The following PTPRE variants were observed in gnomAD, a reference collection of about 807,000 sequenced individuals.
The protein encoded by PTPRE is protein tyrosine phosphatase receptor type E, also known as receptor-type tyrosine-protein phosphatase epsilon.
In PTPRE, 51 loss-of-function variants were observed where a neutral mutation model predicts 102.0. The observed-to-expected ratio is 0.50, with a 90% CI of 0.40 to 0.63. The LOEUF is 0.63. Among genes scored for constraint, PTPRE ranks in the 30% least tolerant of loss-of-function variants. The pLI is 0.00. For synonymous variants in PTPRE, 345 were observed against 348.2 expected (o/e 0.99, Z 0.10); for missense variants, 752 against 915.1 (o/e 0.82, Z 2.30).
intron 3 of PTPRE, among the ~76,000 whole-genome samples, chr10:128,046,619 G>T (rs1340304577): frequency 2.0e-5 from 3 of 152,130 alleles, no homozygotes; most frequent in Non-Finnish European, 4.4e-5. Context: ...TGATGAGGGG[G>T]CTGTGTGGCC....
intron 2 of PTPRE, among the ~76,000 whole-genome samples, chr10:127,992,201 G>A (rs1342334875): frequency 1.3e-5 from 2 of 152,134 alleles, no homozygotes; most frequent in African/African-American, 4.8e-5. Flanking sequence ...AGTTAGTCAT[G>A]GGGAAAACAA....
At chr10:128,030,535 G>A (rs181551554) in intron 2 of PTPRE, among the ~76,000 whole-genome samples, 38 of 152,260 alleles carry the variant, frequency 2.5e-4, no homozygotes, top group African/African-American at 8.9e-4. Context: ...GAGAATCCAC[G>A]TGTCAGTCCC....
chr10:128,013,625 GA>G (rs1419162603), intron 2 of PTPRE, among the ~76,000 whole-genome samples: 4 of 152,150 alleles, frequency 2.6e-5, no homozygotes, highest in Admixed American at 2.6e-4. Context: ...CTTGGGAGGT[GA>G]TTAGGTCATG....
At chr10:127,979,037 A>G (rs1851407120) in intron 1 of PTPRE, among the ~76,000 whole-genome samples, 1 of 152,094 alleles carries the variant, frequency 6.6e-6, no homozygotes, top group Non-Finnish European at 1.5e-5. Flanking sequence ...TAAATAAACA[A>G]ATAAAAATTT....
chr10:128,056,247 G>C, intron 7 of PTPRE, 34 bp downstream of exon 7: 2 of 1,550,336 alleles, frequency 1.3e-6, no homozygotes, highest in Admixed American at 3.3e-5. Context: ...CATGATCAAT[G>C]GTGTTTGCAC....
chr10:127,965,642 A>G (rs1162455875), intron 1 of PTPRE, among the ~76,000 whole-genome samples: 2 of 152,254 alleles, frequency 1.3e-5, no homozygotes, highest in Non-Finnish European at 1.5e-5. Flanking sequence ...AACAATGAAT[A>G]TAAATGTATT....
chr10:127,978,658 C>G (rs962157734), intron 1 of PTPRE, among the ~76,000 whole-genome samples: 3 of 152,218 alleles, frequency 2.0e-5, no homozygotes, highest in African/African-American at 4.8e-5. Context: ...GGCATTGCCG[C>G]TGCCCTGTCT....
intron 1 of PTPRE, among the ~76,000 whole-genome samples, chr10:127,916,885 A>G (rs1048782613): frequency 1.3e-5 from 2 of 152,050 alleles, no homozygotes; most frequent in Non-Finnish European, 2.9e-5. Flanking sequence ...AGTCATTTGT[A>G]TAGTTTCAGC....
chr10:128,069,839 C>G lies in PTPRE; in HGVS notation c.1143+12C>G. 1 of 1,614,228 alleles carries G rather than the reference C, an allele frequency of 6.2e-7. No homozygotes were observed. The highest frequency in any genetic ancestry group is 1.1e-5 in the South Asian group (1 of 91,088). On this transcript the variant is annotated intron_variant, in intron 13 of 20. Transcript: ENST00000254667. Reference sequence around the variant, plus strand: ...TGGTTCAAACGGATGTGAGTCATGCCTTCCTCTTGCCCTGATCTAGCTTCC... The same window carrying G: ...TGGTTCAAACGGATGTGAGTCATGCGTTCCTCTTGCCCTGATCTAGCTTCC...
chr10:127,911,053 G>C (rs1037381616), intron 1 of PTPRE, among the ~76,000 whole-genome samples: 6 of 152,100 alleles, frequency 3.9e-5, no homozygotes, highest in Admixed American at 3.3e-4. Flanking sequence ...CTGCACTCCA[G>C]CCTGGTTGAC....
At chr10:127,937,426 G>A (rs1472715692) in intron 1 of PTPRE, among the ~76,000 whole-genome samples, 1 of 152,198 alleles carries the variant, frequency 6.6e-6, no homozygotes, top group East Asian at 1.9e-4. Context: ...TGAGCTGGAA[G>A]GAGGTTCTAG....
chr10:127,918,758 A>G (rs971644699), intron 1 of PTPRE, among the ~76,000 whole-genome samples: 8 of 152,142 alleles, frequency 5.3e-5, no homozygotes, highest in African/African-American at 1.9e-4. Context: ...ACACACAATG[A>G]CAGCAAGAGC....
intron 11 of PTPRE, 78 bp downstream of exon 11, chr10:128,066,272 A>T (rs530814389): frequency 8.1e-5 from 127 of 1,571,266 alleles, no homozygotes; most frequent in Non-Finnish European, 1.1e-4. Context: ...ATCCTTCTGC[A>T]TTTATGAAGT....
intron 17 of PTPRE, among the ~76,000 whole-genome samples, chr10:128,074,158 A>T (rs74901619): frequency 6.6e-6 from 1 of 152,164 alleles, no homozygotes; most frequent in Non-Finnish European, 1.5e-5. Flanking sequence ...TCTGGACATT[A>T]TTATAAATGG....
At chr10:127,954,310 AT>A (rs1849245844) in intron 1 of PTPRE, among the ~76,000 whole-genome samples, 3 of 152,188 alleles carry the variant, frequency 2.0e-5, no homozygotes, top group Admixed American at 1.3e-4. Flanking sequence ...GGTCCCCAGT[AT>A]GGCACCATTC....
chr10:127,932,811 C>T (rs1847545224), intron 1 of PTPRE, among the ~76,000 whole-genome samples: 1 of 152,002 alleles, frequency 6.6e-6, no homozygotes, highest in Admixed American at 6.6e-5. Context: ...GGTCATGTGC[C>T]TTTCCAGAGG....
At chr10:127,947,433 A>T (rs187138516) in intron 1 of PTPRE, among the ~76,000 whole-genome samples, 1 of 152,176 alleles carries the variant, frequency 6.6e-6, no homozygotes, top group African/African-American at 2.4e-5. Flanking sequence ...ATTCTCCCCT[A>T]TGCTGTGTGT....
chr10:127,994,483 A>AT (rs1205627738), intron 2 of PTPRE, among the ~76,000 whole-genome samples: 1 of 152,194 alleles, frequency 6.6e-6, no homozygotes, highest in Non-Finnish European at 1.5e-5. Context: ...TAGGGATCCC[A>AT]TCCCTCTGTC....
At chr10:128,081,275 G>A (rs1851687553) in intron 20 of PTPRE, among the ~76,000 whole-genome samples, 1 of 152,208 alleles carries the variant, frequency 6.6e-6, no homozygotes, top group African/African-American at 2.4e-5. Context: ...AGCACTCAGG[G>A]AAGACTTGCT....
Sources: gnomAD v4.1 joint callset for allele counts (sites outside exome capture counted in the v4.1 genomes callset) on GRCh38, gnomAD v4.1.1 for gene constraint, MANE v1.5 for transcripts, NCBI Gene and HGNC (gene_info 2026-07-23, HGNC 2026-07-21) for gene names.